HK2: variants seen among roughly 807,000 people sequenced by gnomAD.
HK2 encodes hexokinase-2.
A neutral mutation model predicts 92.9 loss-of-function variants in HK2; 42 were observed. The observed-to-expected ratio is 0.45, with a 90% confidence interval of 0.35 to 0.58. The LOEUF (loss-of-function observed/expected upper bound fraction) is 0.58, where lower values mean the gene tolerates loss of function less well. Among genes scored for constraint, HK2 ranks in the 20% least tolerant of loss-of-function variants. The pLI, the probability that HK2 is intolerant of heterozygous loss-of-function variation, is 0.00. For missense variants in HK2, 978 were observed against 1,245.1 expected, an observed-to-expected ratio of 0.79 and a Z score of 3.23; for synonymous variants, 422 against 468.0, an observed-to-expected ratio of 0.90 and a Z score of 1.27.
rs144840160 is a variant in HK2 at position 74,869,373 on chromosome 2, T to C, written c.375+1589T>C. On this transcript the variant is annotated intron_variant, in intron 3 of 17. Transcript: ENST00000290573. The stretch of plus-strand genomic sequence containing the variant: ...GTGGTGGAATTACTGGTGCTATTTT[T>C]CCCATATTTTCCCCCTTTTTTGGTA... 9.0e-3 allele frequency among the ~76,000 whole-genome samples: 1,376 copies of C among 152,332 alleles called. 20 individuals carry two copies. Among genetic ancestry groups the C allele is most frequent in the African/African-American group, 0.032 (1,327 of 41,576 alleles).
chr2:74,835,499 G>A (rs1181510015), intron 1 of HK2, among the ~76,000 whole-genome samples: 1 of 152,168 alleles, frequency 6.6e-6, no homozygotes, highest in Non-Finnish European at 1.5e-5. Context: ...TTCCCACCTG[G>A]CTCCGCAGCT....
chr2:74,863,271 T>C (rs757350858), intron 2 of HK2, among the ~76,000 whole-genome samples: 2 of 152,242 alleles, frequency 1.3e-5, no homozygotes, highest in Admixed American at 6.5e-5. Flanking sequence ...TTTTTCTCTA[T>C]TTTACGTTGT....
chr2:74,873,999 C>A, intron 6 of HK2, 56 bp downstream of exon 6: 1 of 1,353,106 alleles, frequency 7.4e-7, no homozygotes, highest in African/African-American at 1.4e-5. Context: ...GGGGTGTGGG[C>A]TGGAAAGGGA....
chr2:74,873,430 T>A, intron 5 of HK2, 59 bp downstream of exon 5: 1 of 1,104,100 alleles, frequency 9.1e-7, no homozygotes, highest in Non-Finnish European at 1.4e-6. Flanking sequence ...CCCTGAAGAC[T>A]CCCTGAGTGT....
intron 8 of HK2, among the ~76,000 whole-genome samples, chr2:74,877,877 C>T (rs982129687): frequency 3.3e-5 from 5 of 152,252 alleles, no homozygotes; most frequent in African/African-American, 9.6e-5. Flanking sequence ...AAGAGTCAGG[C>T]GGGCCTCGTT....
chr2:74,865,781 C>T (rs1184254949), intron 2 of HK2, among the ~76,000 whole-genome samples: 2 of 152,064 alleles, frequency 1.3e-5, no homozygotes, highest in African/African-American at 4.8e-5. Context: ...TTTCTGCAAT[C>T]CCTTCTGCTT....
intron 12 of HK2, 100 bp downstream of exon 12, chr2:74,882,339 GA>G: frequency 1.3e-6 from 2 of 1,580,632 alleles, no homozygotes; most frequent in Non-Finnish European, 1.7e-6. Flanking sequence ...TAAGACTAAG[GA>G]AAGGAGGGCG....
chr2:74,885,398 C>A, intron 12 of HK2, 96 bp from the exon 13 acceptor site: 1 of 818,054 alleles, frequency 1.2e-6, no homozygotes, highest in Admixed American at 1.8e-5. Flanking sequence ...ATCCGTCTGA[C>A]CTGTGAGGTT....
At chr2:74,870,723 T>C (rs1368258548) in intron 3 of HK2, among the ~76,000 whole-genome samples, 2 of 152,320 alleles carry the variant, frequency 1.3e-5, no homozygotes, top group South Asian at 2.1e-4. Context: ...CCTATTTTCA[T>C]GTTAAAATAC....
chr2:74,855,574 T>A (rs1688676443), intron 2 of HK2, among the ~76,000 whole-genome samples: 1 of 152,190 alleles, frequency 6.6e-6, no homozygotes, highest in Non-Finnish European at 1.5e-5. Context: ...GCAAGTGATT[T>A]AATCAGGCAG....
Position 74,885,503 on chromosome 2 carries a change from C to T in HK2, c.1849C>T (p.Leu617Phe). 6.2e-7 allele frequency: 1 copy of T among 1,613,152 alleles called. No homozygotes were observed. The highest frequency in any genetic ancestry group is 8.5e-7 in the Non-Finnish European group (1 of 1,179,208). Residue 617 changes from leucine (L) to phenylalanine (F), a missense_variant, in exon 13 of 18, where the codon CTC (leucine) becomes TTC (phenylalanine). Physicochemically the swap from Leu to Phe is conservative, Grantham distance 22. Coordinates refer to ENST00000290573, the MANE Select transcript of HK2 (RefSeq NM_000189.5). Reference sequence around the variant, plus strand: ...TGTGTGTGATTTTTAGAGCATCCTCCTCAAGTGGACAAAAGGCTTCAAGGC... The same window carrying T: ...TGTGTGTGATTTTTAGAGCATCCTCTTCAAGTGGACAAAAGGCTTCAAGGC... ...QQNSLDESIL[L>F]KWTKGFKASG...
intron 7 of HK2, among the ~76,000 whole-genome samples, chr2:74,876,771 G>A (rs765613345): frequency 6.6e-6 from 1 of 152,126 alleles, no homozygotes; most frequent in Non-Finnish European, 1.5e-5. Context: ...TAATCAGATC[G>A]CCTTTTTTCT....
chr2:74,888,887 G>A (rs2279427), intron 16 of HK2, among the ~76,000 whole-genome samples: 6,271 of 152,112 alleles, frequency 0.041, 312 homozygotes, highest in East Asian at 0.12. Flanking sequence ...TTCCTGCCCT[G>A]CAAACCCATG....
intron 1 of HK2, among the ~76,000 whole-genome samples, chr2:74,850,391 A>G (rs1222311979): frequency 1.3e-5 from 2 of 152,246 alleles, no homozygotes; most frequent in African/African-American, 4.8e-5. Context: ...GAGCTGTTCA[A>G]AAATGGAATT....
At chr2:74,890,453 A>G (rs1004104170) in intron 17 of HK2, among the ~76,000 whole-genome samples, 2 of 152,192 alleles carry the variant, frequency 1.3e-5, no homozygotes, top group Non-Finnish European at 2.9e-5. Context: ...TCTGTTAGGC[A>G]CACTTGTGGC....
chr2:74,885,768 C>T (rs749291418), intron 13 of HK2, among the ~76,000 whole-genome samples, 179 bp downstream of exon 13: 1 of 151,476 alleles, frequency 6.6e-6, no homozygotes, highest in African/African-American at 2.4e-5. Flanking sequence ...TCAGCACTGG[C>T]GGTTCAGGAG....
intron 1 of HK2, among the ~76,000 whole-genome samples, chr2:74,852,077 T>C (rs1387965197): frequency 1.3e-5 from 2 of 152,238 alleles, no homozygotes; most frequent in African/African-American, 2.4e-5. Context: ...ATGCTGGCAC[T>C]TCCTACCTCA....
chr2:74,887,383 C>T (rs922798879), intron 15 of HK2, among the ~76,000 whole-genome samples: 1 of 151,358 alleles, frequency 6.6e-6, no homozygotes, highest in African/African-American at 2.4e-5. Context: ...GGATTCAGGA[C>T]CAAAAGACCC....
chr2:74,842,850 C>T (rs567655827), intron 1 of HK2, among the ~76,000 whole-genome samples: 22 of 152,352 alleles, frequency 1.4e-4, no homozygotes, highest in African/African-American at 5.0e-4. Flanking sequence ...AGCATCCTTG[C>T]GATGTCGCAG....
Sources: gnomAD v4.1 joint callset for allele counts (sites outside exome capture counted in the v4.1 genomes callset) on GRCh38, gnomAD v4.1.1 for gene constraint, MANE v1.5 for transcripts, NCBI Gene and HGNC (gene_info 2026-07-23, HGNC 2026-07-21) for gene names.